The following IKZF1 variants were observed in gnomAD, a reference collection of about 807,000 sequenced individuals.
IKZF1 encodes IKAROS family zinc finger 1.
In IKZF1, 10 loss-of-function variants were observed where a neutral mutation model predicts 51.7. The observed-to-expected ratio is 0.19, with a 90% confidence interval of 0.12 to 0.33. The LOEUF (loss-of-function observed/expected upper bound fraction) is 0.33, where lower values mean the gene tolerates loss of function less well. IKZF1 is among the 10% of genes least tolerant of loss of function. The probability of loss-of-function intolerance (pLI) is 1.00; values close to 1 mark genes in which losing one functional copy is unlikely to be tolerated. For synonymous variants in IKZF1, 280 were observed against 282.3 expected, an observed-to-expected ratio of 0.99 and a Z score of 0.08; for missense variants, 484 against 707.5, an observed-to-expected ratio of 0.68 and a Z score of 3.58.
chr7:50,380,172 G>T (rs1289572180), intron 4 of IKZF1, among the ~76,000 whole-genome samples: 2 of 152,166 alleles, frequency 1.3e-5, no homozygotes, highest in Non-Finnish European at 2.9e-5. Context: ...TGAGTGGAGT[G>T]CTCTGTATTG....
chr7:50,327,627 T>C lies in IKZF1; in HGVS notation c.41-11T>C. The C allele has an allele frequency of 1.2e-6, 2 of 1,605,640 alleles. No homozygotes were observed. Among genetic ancestry groups the C allele is most frequent in the Non-Finnish European group, 8.5e-7 (1 of 1,175,962 alleles). ...GACCGCCCGAGACTCACACTTCTTC[T>C]TTCTCATCAGGGAAGGAAAGCCCCC... On this transcript the variant is annotated splice_polypyrimidine_tract_variant and intron_variant, in intron 2 of 7. Coordinates refer to ENST00000331340, the MANE Select transcript of IKZF1 (RefSeq NM_006060.6).
At chr7:50,309,190 C>G (rs12718262) in intron 1 of IKZF1, among the ~76,000 whole-genome samples, 2,897 of 152,316 alleles carry the variant, frequency 0.019, 50 homozygotes, top group East Asian at 0.042. Flanking sequence ...AAAGTGCTTT[C>G]TTCATATTTT....
chr7:50,403,225 G>A lies in IKZF1; in HGVS notation c.*2598G>A, dbSNP rs1278680374. The A allele has an allele frequency of 9.1e-6, 2 of 220,130 alleles. No homozygotes were observed. Among genetic ancestry groups the A allele is most frequent in the African/African-American group, 4.5e-5 (2 of 44,572 alleles). The allele number at this position is 220,130 out of a possible 1,614,324, so 13.6% of individuals were successfully genotyped here. On this transcript the variant is annotated 3_prime_UTR_variant, in exon 8 of 8. Coordinates refer to ENST00000331340, the MANE Select transcript of IKZF1 (RefSeq NM_006060.6). ...TATTTAAAGTAAGGTTTCATATTATGTCAGCAAGTAATTAACTTATGTTTA... is the reference window on the plus strand; with the variant it reads ...TATTTAAAGTAAGGTTTCATATTATATCAGCAAGTAATTAACTTATGTTTA...
At chr7:50,382,313 G>T (rs1368994932) in intron 4 of IKZF1, among the ~76,000 whole-genome samples, 2 of 152,160 alleles carry the variant, frequency 1.3e-5, no homozygotes, top group African/African-American at 4.8e-5. Context: ...TTTGCATTGT[G>T]ATGTGCCATT....
At chr7:50,371,073 G>A (rs1322627730) in intron 3 of IKZF1, among the ~76,000 whole-genome samples, 3 of 152,174 alleles carry the variant, frequency 2.0e-5, no homozygotes, top group Admixed American at 6.5e-5. Flanking sequence ...TCGGGCAGGC[G>A]GGTTCATGGA....
intron 4 of IKZF1, among the ~76,000 whole-genome samples, chr7:50,380,202 C>T (rs1174557876): frequency 2.6e-5 from 4 of 152,206 alleles, no homozygotes; most frequent in African/African-American, 9.6e-5. Flanking sequence ...GGAATGCTCT[C>T]TTAACACCCC....
chr7:50,368,226 T>C (rs1807562871), intron 3 of IKZF1: 1 of 703,316 alleles, frequency 1.4e-6, no homozygotes, highest in Non-Finnish European at 2.6e-6. Flanking sequence ...ATTTATACCA[T>C]AAAGTGCAAA....
intron 1 of IKZF1, among the ~76,000 whole-genome samples, chr7:50,309,389 C>T (rs1442620426): frequency 2.0e-5 from 3 of 152,128 alleles, no homozygotes; most frequent in Non-Finnish European, 2.9e-5. Flanking sequence ...TTCCTTTCTT[C>T]GTTTTTTCCT....
intron 7 of IKZF1, among the ~76,000 whole-genome samples, chr7:50,393,686 T>G (rs548642213): frequency 3.9e-4 from 60 of 151,944 alleles, no homozygotes; most frequent in Admixed American, 2.6e-3. Context: ...CTGAACGGAG[T>G]AGGAGTGAGG....
At chr7:50,359,422 C>T (rs1182378883) in intron 3 of IKZF1, among the ~76,000 whole-genome samples, 1 of 152,204 alleles carries the variant, frequency 6.6e-6, no homozygotes, top group Non-Finnish European at 1.5e-5. Flanking sequence ...GCCTTCTGCC[C>T]ACAGAGCTGG....
intron 5 of IKZF1, among the ~76,000 whole-genome samples, chr7:50,386,047 T>G (rs1813296233): frequency 6.6e-6 from 1 of 152,234 alleles, no homozygotes; most frequent in East Asian, 1.9e-4. Flanking sequence ...TTTTATACAA[T>G]ACTTTGAAAT....
At chr7:50,391,587 T>G in intron 6 of IKZF1, 142 bp from the exon 7 acceptor site, 1 of 1,265,446 alleles carries the variant, frequency 7.9e-7, no homozygotes, top group Non-Finnish European at 1.1e-6. Flanking sequence ...TGTCTGGAAG[T>G]GTTGCTGGGA....
intron 3 of IKZF1, among the ~76,000 whole-genome samples, chr7:50,364,273 A>C (rs1484754460): frequency 6.6e-6 from 1 of 152,124 alleles, no homozygotes; most frequent in East Asian, 1.9e-4. Context: ...TGGGTATTTC[A>C]TTTTTCCCAT....
intron 5 of IKZF1, among the ~76,000 whole-genome samples, chr7:50,383,367 T>C (rs1812415522): frequency 6.6e-6 from 1 of 152,234 alleles, no homozygotes; most frequent in African/African-American, 2.4e-5. Flanking sequence ...CGCTCTATCA[T>C]TCTCAAAACA....
intron 2 of IKZF1, among the ~76,000 whole-genome samples, chr7:50,323,056 G>T (rs1002565707): frequency 3.9e-5 from 6 of 152,136 alleles, no homozygotes; most frequent in Non-Finnish European, 7.3e-5. Context: ...CGTAAAGAAG[G>T]TTTGTATATA....
intron 1 of IKZF1, among the ~76,000 whole-genome samples, chr7:50,315,019 G>A (rs1791163117): frequency 6.6e-6 from 1 of 152,256 alleles, no homozygotes; most frequent in Non-Finnish European, 1.5e-5. Flanking sequence ...CTGTAAATCA[G>A]CAGGGCCCAC....
intron 3 of IKZF1, among the ~76,000 whole-genome samples, chr7:50,366,880 A>G (rs1807128268): frequency 6.6e-6 from 1 of 152,214 alleles, no homozygotes; most frequent in Non-Finnish European, 1.5e-5. Flanking sequence ...AAGCACATCC[A>G]TATGGAGGCA....
At chr7:50,392,000 C>A in intron 7 of IKZF1, 137 bp downstream of exon 7, 1 of 1,229,902 alleles carries the variant, frequency 8.1e-7, no homozygotes. Flanking sequence ...GCTTAACATT[C>A]CTTAAATATC....
chr7:50,362,441 A>T (rs150701599), intron 3 of IKZF1, among the ~76,000 whole-genome samples: 19 of 152,332 alleles, frequency 1.2e-4, no homozygotes, highest in African/African-American at 4.3e-4. Flanking sequence ...TGGACTTGCA[A>T]AGCACTAGCC....
Sources: allele counts gnomAD v4.1 joint callset (sites outside exome capture counted in the v4.1 genomes callset), GRCh38; gene constraint gnomAD v4.1.1; transcripts MANE v1.5; gene names NCBI Gene and HGNC (gene_info 2026-07-23, HGNC 2026-07-21).